The following CDH13 variants were observed in gnomAD, a reference collection of about 807,000 sequenced individuals.
CDH13 encodes cadherin-13.
In CDH13, 24 loss-of-function variants were observed where a neutral mutation model predicts 63.8. The observed-to-expected ratio is 0.38, with a 90% CI of 0.27 to 0.53. CDH13 has a LOEUF of 0.53. Ranked by LOEUF, CDH13 falls within the 20% of genes least tolerant of loss-of-function variation. The pLI is 0.85. For missense variants in CDH13, 1,049 were observed against 903.1 expected (o/e 1.16, Z -2.07); for synonymous variants, 503 against 355.3 (o/e 1.42, Z -4.67).
At chr16:83,095,476 C>G (rs1016466872) in intron 3 of CDH13, among the ~76,000 whole-genome samples, 4 of 152,188 alleles carry the variant, frequency 2.6e-5, no homozygotes, top group Non-Finnish European at 2.9e-5. Flanking sequence ...CCTCACCCTG[C>G]TTTTGGACAC....
intron 6 of CDH13, among the ~76,000 whole-genome samples, chr16:83,450,002 A>C (rs140379669): frequency 6.6e-6 from 1 of 152,228 alleles, no homozygotes; most frequent in African/African-American, 2.4e-5. Context: ...AGAGGCAGAT[A>C]GTTCCCCCGC....
rs576623062 is a variant in CDH13 at position 83,285,854 on chromosome 16, G to A, written c.637-59008G>A. 4.0e-3 allele frequency among the ~76,000 whole-genome samples: 610 copies of A among 151,974 alleles called. 8 individuals carry two copies. Among genetic ancestry groups the A allele is most frequent in the Admixed American group, 0.02 (307 of 15,270 alleles). ...TTAAAATGCATAACGAATTATAGAG[G>A]AAAAAAAATAAACTCTACTCATTGT... On this transcript the variant is annotated intron_variant, in intron 5 of 13. Coordinates refer to ENST00000567109, the MANE Select transcript of CDH13 (RefSeq NM_001257.5).
intron 7 of CDH13, among the ~76,000 whole-genome samples, chr16:83,508,621 A>G (rs4782541): frequency 0.63 from 95,770 of 152,002 alleles, 30,588 homozygotes; most frequent in East Asian, 0.84. Context: ...ACTTCGAGAT[A>G]TGTTCTCCCG....
chr16:83,348,891 C>G (rs1336211966), intron 6 of CDH13, among the ~76,000 whole-genome samples: 2 of 152,138 alleles, frequency 1.3e-5, no homozygotes, highest in Non-Finnish European at 2.9e-5. Context: ...TATTTTTATT[C>G]TGGAAGAGTA....
chr16:82,775,528 C>T (rs1457378076), intron 1 of CDH13, among the ~76,000 whole-genome samples: 1 of 152,170 alleles, frequency 6.6e-6, no homozygotes, highest in African/African-American at 2.4e-5. Flanking sequence ...CGTTTAAAAC[C>T]TGTTGGCTCA....
At chr16:83,416,459 C>G (rs1007546726) in intron 6 of CDH13, among the ~76,000 whole-genome samples, 2 of 152,186 alleles carry the variant, frequency 1.3e-5, no homozygotes, top group Non-Finnish European at 2.9e-5. Flanking sequence ...ATATCTGTTT[C>G]TCTTTCTGGG....
chr16:83,704,761 A>G (rs1906755036), intron 10 of CDH13, among the ~76,000 whole-genome samples: 2 of 150,124 alleles, frequency 1.3e-5, no homozygotes, highest in African/African-American at 4.8e-5. Flanking sequence ...ACTACAATAG[A>G]AAAAAAATTT....
chr16:82,960,773 T>C (rs1354941929), intron 2 of CDH13, among the ~76,000 whole-genome samples: 2 of 152,184 alleles, frequency 1.3e-5, no homozygotes, highest in Admixed American at 6.5e-5. Context: ...TAGAGAAGGT[T>C]TGTCTTTCAT....
intron 3 of CDH13, among the ~76,000 whole-genome samples, chr16:83,110,955 C>T (rs2035027180): frequency 7.3e-6 from 1 of 137,308 alleles, no homozygotes; most frequent in Non-Finnish European, 1.5e-5. Context: ...CAATAAATAT[C>T]TGTTGGCTGG....
intron 8 of CDH13, chr16:83,654,944 T>C (rs1274683220): frequency 6.6e-6 from 1 of 152,214 alleles, no homozygotes; most frequent in East Asian, 1.9e-4. Flanking sequence ...AGTCCACCAG[T>C]GGGCCATGCC....
At chr16:82,864,499 A>G (rs1432540587) in intron 2 of CDH13, among the ~76,000 whole-genome samples, 1 of 152,128 alleles carries the variant, frequency 6.6e-6, no homozygotes, top group East Asian at 1.9e-4. Flanking sequence ...AGGTGGCAGG[A>G]AGGAGAAGTG....
intron 3 of CDH13, among the ~76,000 whole-genome samples, chr16:83,120,665 A>T: frequency 6.6e-6 from 1 of 152,120 alleles, no homozygotes; most frequent in East Asian, 1.9e-4. Context: ...AATATATTTT[A>T]CGTATTTCCT....
chr16:82,928,323 C>T (rs543377710), intron 2 of CDH13, among the ~76,000 whole-genome samples: 40 of 152,266 alleles, frequency 2.6e-4, no homozygotes, highest in East Asian at 1.9e-4. Flanking sequence ...TTCTTATAAG[C>T]ATTGCATAAA....
chr16:82,736,826 G>C (rs1023095668), intron 1 of CDH13, among the ~76,000 whole-genome samples: 2 of 152,146 alleles, frequency 1.3e-5, no homozygotes, highest in Non-Finnish European at 2.9e-5. Context: ...AAGGACTCTT[G>C]ATGGGGTTCC....
rs59677448 is a variant in CDH13, at chr16:82,896,276, A to ATTTTTTTTTTTTTTTTTTTTTTTTTT, written c.157+37811_157+37836dup. On this transcript the variant is annotated intron_variant, in intron 2 of 13. Coordinates refer to ENST00000567109, the MANE Select transcript of CDH13 (RefSeq NM_001257.5). Reference sequence around the variant, plus strand: ...GAGTCTTCTGAGAACTAGGATTAGGATTTTTTTTTTTTTTTTTTTTTTTTT... The same window carrying ATTTTTTTTTTTTTTTTTTTTTTTTTT: ...GAGTCTTCTGAGAACTAGGATTAGGATTTTTTTTTTTTTTTTTTTTTTTTTTTTTTTTTTTTTTTTTTTTTTTTTTT... Among the ~76,000 whole-genome samples the ATTTTTTTTTTTTTTTTTTTTTTTTTT allele has an allele frequency of 2.2e-4, 19 of 87,864 alleles. 1 individual carries two copies. Among genetic ancestry groups the ATTTTTTTTTTTTTTTTTTTTTTTTTT allele is most frequent in the Admixed American group, 9.5e-4 (6 of 6,296 alleles). The allele number at this position is 87,864 out of a possible 152,430, so 57.6% of individuals were successfully genotyped here.
Position 83,421,948 on chromosome 16 carries a change from C to T in CDH13, c.782-64529C>T, listed in dbSNP as rs112728445. Among the ~76,000 whole-genome samples, 60 of 152,278 alleles carry T rather than the reference C, an allele frequency of 3.9e-4. 1 individual carries two copies. The highest frequency in any genetic ancestry group is 1.4e-3 in the African/African-American group (59 of 41,572). On this transcript the variant is annotated intron_variant, in intron 6 of 13. Coordinates refer to ENST00000567109, the MANE Select transcript of CDH13 (RefSeq NM_001257.5). ...ATCCTTAGCCATGATATTTTGGTTG[C>T]TAAAATTGATGGCATTTCTTACTTT...
intron 8 of CDH13, among the ~76,000 whole-genome samples, chr16:83,607,382 T>C (rs1190359423): frequency 1.3e-5 from 2 of 151,882 alleles, no homozygotes; most frequent in Non-Finnish European, 2.9e-5. Flanking sequence ...ATCACACCAG[T>C]GCACTCCAGC....
At chr16:83,474,782 G>T (rs759841126) in intron 6 of CDH13, among the ~76,000 whole-genome samples, 1 of 152,198 alleles carries the variant, frequency 6.6e-6, no homozygotes, top group African/African-American at 2.4e-5. Context: ...AGAGCTTAGG[G>T]CTGGAGAAGG....
intron 5 of CDH13, among the ~76,000 whole-genome samples, chr16:83,251,599 G>C (rs1238501827): frequency 6.6e-6 from 1 of 152,242 alleles, no homozygotes; most frequent in African/African-American, 2.4e-5. Flanking sequence ...AGGCAGCAGA[G>C]GGTGGGGCCA....
Sources: gnomAD v4.1 joint callset for allele counts (sites outside exome capture counted in the v4.1 genomes callset) on GRCh38, gnomAD v4.1.1 for gene constraint, MANE v1.5 for transcripts, NCBI Gene and HGNC (gene_info 2026-07-23, HGNC 2026-07-21) for gene names.